Variants in SCAPER observed in about 807,000 individuals in gnomAD.
The protein encoded by SCAPER is S-phase cyclin A associated protein in the ER.
A neutral mutation model predicts 182.2 loss-of-function variants in SCAPER; 98 were observed. That is an observed-to-expected ratio of 0.54 (90% CI 0.46 to 0.64). The LOEUF (loss-of-function observed/expected upper bound fraction) is 0.64, where lower values mean the gene tolerates loss of function less well. Among genes scored for constraint, SCAPER ranks in the 30% least tolerant of loss-of-function variants. SCAPER has a pLI of 0.00. For synonymous variants in SCAPER, 605 were observed against 564.6 expected, an observed-to-expected ratio of 1.07 and a Z score of -1.01; for missense variants, 1,432 against 1,690.0, an observed-to-expected ratio of 0.85 and a Z score of 2.68.
chr15:76,431,045 T>C (rs1319671734), intron 26 of SCAPER, among the ~76,000 whole-genome samples: 1 of 152,160 alleles, frequency 6.6e-6, no homozygotes, highest in Non-Finnish European at 1.5e-5. Flanking sequence ...GCTCTCTCTT[T>C]GCCTGCCACA....
intron 21 of SCAPER, among the ~76,000 whole-genome samples, chr15:76,643,652 G>A (rs956877920): frequency 2.0e-5 from 3 of 152,236 alleles, no homozygotes; most frequent in Non-Finnish European, 4.4e-5. Context: ...ACTGCACTCC[G>A]GCCCAGGTGA....
At chr15:76,828,486 G>C (rs1351594554) in intron 5 of SCAPER, among the ~76,000 whole-genome samples, 1 of 152,078 alleles carries the variant, frequency 6.6e-6, no homozygotes, top group African/African-American at 2.4e-5. Context: ...TCAATAAAGT[G>C]TCATGTTAAA....
chr15:76,787,483 C>T (rs537746219), intron 8 of SCAPER, among the ~76,000 whole-genome samples: 4 of 152,236 alleles, frequency 2.6e-5, no homozygotes, highest in East Asian at 1.9e-4. Context: ...CATGCCACCA[C>T]GCCCAGCTAA....
intron 29 of SCAPER, among the ~76,000 whole-genome samples, chr15:76,355,919 A>G (rs1391626403): frequency 6.6e-6 from 1 of 152,216 alleles, no homozygotes; most frequent in Non-Finnish European, 1.5e-5. Context: ...AAATCCCTGG[A>G]TTGCAGAAGA....
intron 15 of SCAPER, among the ~76,000 whole-genome samples, chr15:76,739,794 C>T (rs759167288): frequency 1.3e-5 from 2 of 152,134 alleles, no homozygotes; most frequent in Non-Finnish European, 2.9e-5. Flanking sequence ...AGGAAACAAA[C>T]AGAGTACAAA....
At chr15:76,542,008 A>G (rs1348735142) in intron 23 of SCAPER, among the ~76,000 whole-genome samples, 1 of 152,240 alleles carries the variant, frequency 6.6e-6, no homozygotes, top group Non-Finnish European at 1.5e-5. Flanking sequence ...GAGAATAACT[A>G]TAAGATAAAA....
intron 22 of SCAPER, among the ~76,000 whole-genome samples, chr15:76,605,139 G>A (rs955273678): frequency 1.3e-5 from 2 of 152,266 alleles, no homozygotes; most frequent in African/African-American, 4.8e-5. Context: ...TGCTCATTCC[G>A]TATGATATTG....
chr15:76,458,265 T>C (rs993960041), intron 25 of SCAPER, among the ~76,000 whole-genome samples: 19 of 151,264 alleles, frequency 1.3e-4, no homozygotes, highest in African/African-American at 3.6e-4. Context: ...ACATACTCCA[T>C]TGTGTGTGTG....
intron 29 of SCAPER, among the ~76,000 whole-genome samples, chr15:76,357,179 C>CACAT (rs956787138): frequency 4.6e-5 from 7 of 151,736 alleles, no homozygotes; most frequent in Non-Finnish European, 1.0e-4. Flanking sequence ...CACACACACA[C>CACAT]ACACACACAC....
At chr15:76,746,176 A>G (rs2061783067) in intron 15 of SCAPER, among the ~76,000 whole-genome samples, 1 of 152,222 alleles carries the variant, frequency 6.6e-6, no homozygotes, top group Non-Finnish European at 1.5e-5. Flanking sequence ...TCAACAAACG[A>G]TGAATAAAAA....
intron 29 of SCAPER, among the ~76,000 whole-genome samples, chr15:76,371,692 G>T (rs1034858647): frequency 1.3e-5 from 2 of 151,364 alleles, no homozygotes; most frequent in African/African-American, 2.4e-5. Flanking sequence ...GCCGAGGTGG[G>T]TGGATCACCT....
intron 26 of SCAPER, among the ~76,000 whole-genome samples, chr15:76,418,139 A>G (rs889626383): frequency 2.0e-5 from 3 of 152,208 alleles, no homozygotes; most frequent in Non-Finnish European, 4.4e-5. Context: ...CAACAAGCAA[A>G]CAATGATATT....
chr15:76,597,953 G>A (rs1406330855), intron 22 of SCAPER, among the ~76,000 whole-genome samples: 1 of 120,936 alleles, frequency 8.3e-6, no homozygotes, highest in Admixed American at 9.3e-5. Context: ...TGACAAATGA[G>A]ATGTAATTAA....
chr15:76,699,770 AC>A (rs370363497), intron 20 of SCAPER, among the ~76,000 whole-genome samples: 99 of 152,368 alleles, frequency 6.5e-4, no homozygotes, highest in African/African-American at 2.2e-3. Context: ...CACTTCATCA[AC>A]ATGGTGGTAT....
chr15:76,704,468 A>AC (rs2059136370), intron 18 of SCAPER, among the ~76,000 whole-genome samples: 1 of 152,206 alleles, frequency 6.6e-6, no homozygotes, highest in Non-Finnish European at 1.5e-5. Context: ...CTAATGTTTA[A>AC]GTCTTTAATC....
intron 29 of SCAPER, among the ~76,000 whole-genome samples, chr15:76,370,538 C>T (rs2042098376): frequency 6.6e-6 from 1 of 152,070 alleles, no homozygotes; most frequent in Non-Finnish European, 1.5e-5. Context: ...CTCCTGACCT[C>T]AAGTGATCTG....
At chr15:76,555,025 T>C (rs2046089271) in intron 23 of SCAPER, among the ~76,000 whole-genome samples, 2 of 151,840 alleles carry the variant, frequency 1.3e-5, no homozygotes, top group South Asian at 4.2e-4. Flanking sequence ...AAGTGATCCA[T>C]CCACCTTGGC....
In SCAPER at chr15:76,855,759, T is replaced by A. The variant is rs142411371; in HGVS notation, c.195+2050A>T. ...AGTCGGAATGGCTATTACTAAAAAG[T>A]CAAAAAAATAACAGATCTTGGCAAG... On this transcript the variant is annotated intron_variant, in intron 4 of 31. Transcript: ENST00000563290. 2.1e-3 allele frequency: 616 copies of A among 295,042 alleles called. 4 individuals carry two copies. The highest frequency in any genetic ancestry group is 1.5e-3 in the Non-Finnish European group (204 of 138,246). 18.3% of individuals were successfully genotyped at this position (295,042 alleles called of 1,614,324 possible).
At chr15:76,753,694 G>A (rs996966111) in intron 15 of SCAPER, 114 bp downstream of exon 15, 1 of 1,208,390 alleles carries the variant, frequency 8.3e-7, no homozygotes, top group Non-Finnish European at 1.1e-6. Context: ...GTAAAATGCT[G>A]TTATTCTACA....
Sources: gnomAD v4.1 joint callset for allele counts (sites outside exome capture counted in the v4.1 genomes callset) on GRCh38, gnomAD v4.1.1 for gene constraint, MANE v1.5 for transcripts, NCBI Gene and HGNC (gene_info 2026-07-23, HGNC 2026-07-21) for gene names.